Variants in NBPF11 observed in about 807,000 individuals in gnomAD.
NBPF11 encodes NBPF member 11, also known as NBPF family member NBPF11.
Under a neutral mutation model 93.9 loss-of-function variants are expected in NBPF11, and 72 were observed. The ratio of observed to expected loss-of-function variants is 0.77; its 90% confidence interval spans 0.63 to 0.93. The LOEUF (loss-of-function observed/expected upper bound fraction) is 0.93. Ranked by LOEUF, NBPF11 falls within the 40% of genes least tolerant of loss-of-function variation. NBPF11 has a pLI of 0.00. For missense variants in NBPF11, 705 were observed against 802.2 expected, an observed-to-expected ratio of 0.88 and a Z score of 1.46; for synonymous variants, 224 against 304.9, an observed-to-expected ratio of 0.73 and a Z score of 2.76.
In NBPF11 at chr1:148,122,793, C is replaced by T. The variant is rs200675471; in HGVS notation, c.502G>A (p.Glu168Lys). The T allele has an allele frequency of 0.079, 127,788 of 1,607,962 alleles. 6,190 individuals are homozygous for T. Among genetic ancestry groups the T allele is most frequent in the Middle Eastern group, 0.18 (836 of 4,696 alleles). The change falls in exon 8 of 24, where the codon GAA (glutamate) becomes AAA (lysine). Residue 168 changes from glutamate (E) to lysine (K), a missense_variant. This residue lies in a region of NBPF11 where 262 missense variants were observed against 223.1 expected (regional missense o/e 1.17). Transcript: ENST00000682118. ...ACTTGAACATCTTCATCCTCATCTT[C>T]GTCATTTTCTATAAATACAAAATGT... The part of the protein sequence containing the change: ...LVQKLSPEND[E>K]DEDEDVQVEE...
intron 19 of NBPF11, 105 bp downstream of exon 19, chr1:148,107,606 C>G: frequency 3.3e-6 from 4 of 1,203,578 alleles, no homozygotes; most frequent in Non-Finnish European, 4.9e-6. Context: ...GGGAGTAATT[C>G]AACCTTCGTG....
intron 4 of NBPF11, among the ~76,000 whole-genome samples, chr1:148,132,815 G>A (rs1194643263): frequency 3.5e-5 from 3 of 86,680 alleles, no homozygotes; most frequent in Non-Finnish European, 5.9e-5. Flanking sequence ...GCAGTGATGC[G>A]ATCTCGGCTC....
At chr1:148,149,616 C>T (rs1439499635) in intron 1 of NBPF11, 23 of 1,541,498 alleles carry the variant, frequency 1.5e-5, no homozygotes, top group South Asian at 3.4e-5. Context: ...CCCCGGACCT[C>T]ACCCCGCGCC....
chr1:148,103,946 G>C, intron 23 of NBPF11, 34 bp from the exon 24 acceptor site: 2 of 1,610,456 alleles, frequency 1.2e-6, no homozygotes, highest in Non-Finnish European at 8.5e-7. Flanking sequence ...GAAGCAGCCA[G>C]GGAAAATCAG....
chr1:148,149,669 C>G, intron 1 of NBPF11: 1 of 992,312 alleles, frequency 1.0e-6, no homozygotes, highest in Non-Finnish European at 1.5e-6. Flanking sequence ...CCGGGCGGCC[C>G]AGGGGACCCC....
intron 1 of NBPF11, chr1:148,146,544 C>T (rs1352039418): frequency 2.8e-5 from 45 of 1,603,960 alleles, no homozygotes; most frequent in Non-Finnish European, 3.5e-5. Flanking sequence ...GGGCCGGGGC[C>T]GCCCCCTTGG....
At position 148,128,941 on chromosome 1, in the gene NBPF11, T is replaced by A. The variant is rs1382223526; in HGVS notation, c.-35-1903A>T. Among the ~76,000 whole-genome samples, 10 of 146,540 alleles carry A rather than the reference T, an allele frequency of 6.8e-5. No individual in the cohort carries two copies. The East Asian group carries it at 7.9e-4, about 12-fold the overall frequency. On this transcript the variant is annotated intron_variant, in intron 4 of 23. Transcript: ENST00000682118. ...GCATGTTCTCACTCATGGGTGGGAA[T>A]TGAACAATGAGAACACTTGGACACA...
In NBPF11 at chr1:148,135,799, C is replaced by G. The variant is rs1274879256; in HGVS notation, c.-163G>C. On this transcript the variant is annotated 5_prime_UTR_variant, in exon 4 of 24. Coordinates refer to ENST00000682118, the MANE Select transcript of NBPF11 (RefSeq NM_001385469.3). ...GTATGATATTATTTTGTTTGACCATCCTTATCTTCAAGGGCTACCAAGAAG... is the reference window on the plus strand; with the variant it reads ...GTATGATATTATTTTGTTTGACCATGCTTATCTTCAAGGGCTACCAAGAAG... 9 of 687,006 alleles carry G rather than the reference C, an allele frequency of 1.3e-5. No individual in the cohort carries two copies. The African/African-American group carries it at 1.6e-4, about 12-fold the overall frequency. The allele number at this position is 687,006 out of a possible 1,614,324, so 42.6% of individuals were successfully genotyped here. A position where few individuals can be genotyped will look rare whatever the true frequency, so the allele number is the denominator to read the frequency against.
chr1:148,146,927 G>T lies in NBPF11; in HGVS notation c.-548-3241C>A, dbSNP rs1437746629. Reference sequence around the variant, plus strand: ...TGGCAGGCCCTGCGCACCAGGTGAGGGCGACCCTGGGGGCAGCTCAGCCTG... The same window carrying T: ...TGGCAGGCCCTGCGCACCAGGTGAGTGCGACCCTGGGGGCAGCTCAGCCTG... On this transcript the variant is annotated intron_variant, in intron 1 of 23. Transcript: ENST00000682118. The T allele has an allele frequency of 9.3e-6, 15 of 1,604,746 alleles. No individual in the cohort carries two copies. In the East Asian group the frequency reaches 2.5e-4, roughly 26 times the overall value.
chr1:148,142,288 A>T lies in NBPF11; in HGVS notation c.-277+1127T>A, dbSNP rs1285766390. Among the ~76,000 whole-genome samples the T allele has an allele frequency of 9.9e-5, 15 of 152,044 alleles. No individual in the cohort carries two copies. The South Asian group carries it at 2.9e-3, about 29-fold the overall frequency. On this transcript the variant is annotated intron_variant, in intron 2 of 23. Transcript: ENST00000682118. ...CTAACTAGTTATTAGAGAGAGACGCACTACTGTAAAACTATATACTGTTTC... is the reference window on the plus strand; with the variant it reads ...CTAACTAGTTATTAGAGAGAGACGCTCTACTGTAAAACTATATACTGTTTC...
At chr1:148,130,977 A>G (rs1336684914) in intron 4 of NBPF11, among the ~76,000 whole-genome samples, 25 of 151,950 alleles carry the variant, frequency 1.6e-4, no homozygotes, top group South Asian at 8.3e-4. Context: ...GTATTCCTTC[A>G]TGTGGCTATA....
intron 5 of NBPF11, among the ~76,000 whole-genome samples, chr1:148,126,525 G>A (rs1185697297): frequency 6.6e-6 from 1 of 151,878 alleles, no homozygotes; most frequent in Admixed American, 6.6e-5. Context: ...TTGTCTGCAG[G>A]ATCTTATATG....
intron 15 of NBPF11, among the ~76,000 whole-genome samples, chr1:148,111,892 A>G (rs2149196406): frequency 6.6e-6 from 1 of 150,864 alleles, no homozygotes; most frequent in East Asian, 2.0e-4. Context: ...AATTCAGGAA[A>G]CACAGAGAAC....
In NBPF11 at chr1:148,105,721, G is replaced by GACACAC. The variant is rs781939834; in HGVS notation, c.2304-199_2304-194dup. ...TGGAAAAGAATGAAAGAGAAAGACA[G>GACACAC]ACACACACACACACACACACACACA... On this transcript the variant is annotated intron_variant, in intron 21 of 23. Coordinates refer to ENST00000682118, the MANE Select transcript of NBPF11 (RefSeq NM_001385469.3). 3.6e-3 allele frequency among the ~76,000 whole-genome samples: 349 copies of GACACAC among 95,948 alleles called. 11 individuals carry two copies. The highest frequency in any genetic ancestry group is 0.034 in the Middle Eastern group (7 of 206). The allele number at this position is 95,948 out of a possible 152,430, so 62.9% of individuals were successfully genotyped here.
rs1648430220 is a variant in NBPF11, at chr1:148,151,784, G to A, written c.-583C>T. ...GCTGGGTGGACTTCGCAGTAAACTT[G>A]AACTTCCCATCCAGGCTGCAGCCGT... is the stretch of plus-strand genomic sequence containing the variant. On this transcript the variant is annotated 5_prime_UTR_variant, in exon 1 of 24. Coordinates refer to ENST00000682118, the MANE Select transcript of NBPF11 (RefSeq NM_001385469.3). 6.6e-6 allele frequency: 1 copy of A among 152,222 alleles called. No individual in the cohort carries two copies. Among genetic ancestry groups the A allele is most frequent in the African/African-American group, 2.4e-5 (1 of 41,332 alleles). The allele number at this position is 152,222 out of a possible 1,614,324, so 9.4% of individuals were successfully genotyped here.
intron 5 of NBPF11, 63 bp downstream of exon 5, chr1:148,126,766 A>G: frequency 6.5e-7 from 1 of 1,545,598 alleles, no homozygotes; most frequent in Non-Finnish European, 8.9e-7. Context: ...ATTATTTTTG[A>G]TGGAGAGAGC....
rs1235272828 is a variant in NBPF11 at position 148,130,703 on chromosome 1, A to C, written c.-35-3665T>G. Among the ~76,000 whole-genome samples, 5 of 151,688 alleles carry C rather than the reference A, an allele frequency of 3.3e-5. No individual in the cohort carries two copies. The East Asian group carries it at 9.7e-4, about 29-fold the overall frequency. ...CACTTTAAAATGTGTAATTCAATGC[A>C]CGTTTACAAATGGATGCACTAACGG... On this transcript the variant is annotated intron_variant, in intron 4 of 23. Transcript: ENST00000682118.
chr1:148,150,794 C>A (rs1300521177), intron 1 of NBPF11, among the ~76,000 whole-genome samples: 1 of 149,032 alleles, frequency 6.7e-6, no homozygotes, highest in Non-Finnish European at 1.5e-5. Context: ...GACAAGATAT[C>A]TCCGCTCACT....
At chr1:148,132,144 G>GTGTGTGTA (rs1392331503) in intron 4 of NBPF11, among the ~76,000 whole-genome samples, 7 of 137,532 alleles carry the variant, frequency 5.1e-5, no homozygotes, top group African/African-American at 1.6e-4. Flanking sequence ...GTGTGTGTGT[G>GTGTGTGTA]TATATATATA....
Sources: allele counts gnomAD v4.1 joint callset (sites outside exome capture counted in the v4.1 genomes callset), GRCh38; gene constraint gnomAD v4.1.1; regional missense constraint gnomAD v4.1.1; transcripts MANE v1.5; gene names NCBI Gene and HGNC (gene_info 2026-07-23, HGNC 2026-07-21).